SNTG2: variants seen among roughly 807,000 people sequenced by gnomAD.
SNTG2 encodes the protein gamma-2-syntrophin.
A neutral mutation model predicts 70.9 loss-of-function variants in SNTG2; 74 were observed. That is an observed-to-expected ratio of 1.04 (90% CI 0.86 to 1.27). SNTG2 has a LOEUF of 1.27. Ranked by LOEUF, SNTG2 falls within the 50% of genes most tolerant of loss-of-function variation. The pLI, the probability that SNTG2 is intolerant of heterozygous loss-of-function variation, is 0.00. For missense variants in SNTG2, 717 were observed against 690.7 expected, an observed-to-expected ratio of 1.04 and a Z score of -0.43; for synonymous variants, 278 against 273.8, an observed-to-expected ratio of 1.02 and a Z score of -0.15.
At chr2:1,140,059 T>A (rs1409994738) in intron 6 of SNTG2, among the ~76,000 whole-genome samples, 2 of 152,172 alleles carry the variant, frequency 1.3e-5, no homozygotes, top group Non-Finnish European at 2.9e-5. Flanking sequence ...CTAAAAGACG[T>A]ATAAATCATA....
intron 16 of SNTG2, among the ~76,000 whole-genome samples, chr2:1,361,345 T>TA (rs201621896): frequency 0.012 from 1,806 of 149,628 alleles, 11 homozygotes; most frequent in Non-Finnish European, 0.014. Context: ...TTGACCCATT[T>TA]AAAAAAAAAA....
rs975845022 is a variant in SNTG2 at position 1,104,179 on chromosome 2, G to A, written c.325+5769G>A. 5.9e-5 allele frequency among the ~76,000 whole-genome samples: 9 copies of A among 152,270 alleles called. No homozygotes were observed. The South Asian group carries it at 6.2e-4, about 11-fold the overall frequency. On this transcript the variant is annotated intron_variant, in intron 4 of 16. Transcript: ENST00000308624. ...AAGACCCTTCTCTGGGTCATCGTCCGGTGCTGCCCCTCTTTCAAACGTTTG... is the reference window on the plus strand; with the variant it reads ...AAGACCCTTCTCTGGGTCATCGTCCAGTGCTGCCCCTCTTTCAAACGTTTG...
At chr2:1,093,448 T>A (rs950468105) in intron 2 of SNTG2, among the ~76,000 whole-genome samples, 1 of 152,212 alleles carries the variant, frequency 6.6e-6, no homozygotes, top group African/African-American at 2.4e-5. Context: ...AAAGTTCCAG[T>A]TAGAAGCTGC....
At chr2:1,066,283 T>C (rs2148125046) in intron 1 of SNTG2, among the ~76,000 whole-genome samples, 1 of 152,280 alleles carries the variant, frequency 6.6e-6, no homozygotes, top group African/African-American at 2.4e-5. Flanking sequence ...TGGTGAGAGA[T>C]CAGGTGAATA....
At chr2:1,359,573 T>C in intron 16 of SNTG2, among the ~76,000 whole-genome samples, 1 of 152,184 alleles carries the variant, frequency 6.6e-6, no homozygotes, top group East Asian at 1.9e-4. Context: ...CTAAAGTGAG[T>C]CTCTTGTACA....
At chr2:1,310,769 G>A (rs1162785716) in intron 15 of SNTG2, among the ~76,000 whole-genome samples, 22 of 152,178 alleles carry the variant, frequency 1.4e-4, no homozygotes, top group Admixed American at 1.4e-3. Flanking sequence ...GCCTCATGGG[G>A]CACTTCCTAT....
At chr2:1,307,210 C>G (rs1023290059) in intron 14 of SNTG2, among the ~76,000 whole-genome samples, 1 of 113,506 alleles carries the variant, frequency 8.8e-6, no homozygotes, top group South Asian at 2.8e-4. Flanking sequence ...GTCTGTATGT[C>G]TGTGTCTGTA....
intron 1 of SNTG2, among the ~76,000 whole-genome samples, chr2:1,077,022 T>C (rs1194053975): frequency 6.6e-6 from 1 of 152,202 alleles, no homozygotes; most frequent in Non-Finnish European, 1.5e-5. Flanking sequence ...TTTTCACACA[T>C]GCTTGTTATT....
intron 1 of SNTG2, among the ~76,000 whole-genome samples, chr2:1,067,161 G>A (rs1489462427): frequency 6.7e-6 from 1 of 150,114 alleles, no homozygotes; most frequent in Non-Finnish European, 1.5e-5. Context: ...TGAGAAATGC[G>A]CACTAAAATG....
At chr2:1,234,521 G>T (rs772711267) in intron 9 of SNTG2, among the ~76,000 whole-genome samples, 1 of 152,150 alleles carries the variant, frequency 6.6e-6, no homozygotes, top group Non-Finnish European at 1.5e-5. Flanking sequence ...TTTGTGGTAC[G>T]GTTGGCATTT....
chr2:1,302,916 G>C (rs962600489), intron 14 of SNTG2, among the ~76,000 whole-genome samples: 2 of 152,096 alleles, frequency 1.3e-5, no homozygotes, highest in African/African-American at 4.8e-5. Context: ...AGGATGATGA[G>C]AGGCTCAGTC....
intron 1 of SNTG2, among the ~76,000 whole-genome samples, chr2:1,046,095 C>G (rs1484067481): frequency 6.6e-6 from 1 of 152,112 alleles, no homozygotes; most frequent in Non-Finnish European, 1.5e-5. Flanking sequence ...AGTCATCTTA[C>G]TGAATTGAAC....
intron 16 of SNTG2, among the ~76,000 whole-genome samples, chr2:1,363,115 C>A (rs1451750766): frequency 7.5e-6 from 1 of 134,142 alleles, no homozygotes; most frequent in Admixed American, 8.3e-5. Context: ...TCCTGTGAAA[C>A]CCTCACAAAA....
intron 1 of SNTG2, among the ~76,000 whole-genome samples, chr2:1,029,174 C>G (rs1327364132): frequency 1.3e-5 from 2 of 152,140 alleles, no homozygotes; most frequent in African/African-American, 4.8e-5. Context: ...TTCATATTTA[C>G]TTTTATGTTT....
intron 1 of SNTG2, among the ~76,000 whole-genome samples, chr2:961,445 G>A (rs1365945707): frequency 1.3e-5 from 2 of 152,124 alleles, no homozygotes; most frequent in Non-Finnish European, 2.9e-5. Context: ...TTTCTATAAC[G>A]TAGCATCTGC....
At chr2:1,106,540 A>T (rs1195990958) in intron 4 of SNTG2, among the ~76,000 whole-genome samples, 3 of 132,200 alleles carry the variant, frequency 2.3e-5, no homozygotes, top group African/African-American at 3.0e-5. Flanking sequence ...GTAAGAGTGG[A>T]CACGTGCTGT....
At chr2:1,089,997 C>T (rs1421495498) in intron 2 of SNTG2, among the ~76,000 whole-genome samples, 2 of 152,188 alleles carry the variant, frequency 1.3e-5, no homozygotes, top group Admixed American at 6.5e-5. Context: ...ATGCTCCTAC[C>T]GACTGTTCCA....
rs1195629373 is a variant in SNTG2 at position 1,027,676 on chromosome 2, G to A, written c.73-55842G>A. On this transcript the variant is annotated intron_variant, in intron 1 of 16. Transcript: ENST00000308624. ...TAAGCAGGTGCATCACTGAAGGTGCGTCTGACCTACAGACACTACCCAGCA... is the reference window on the plus strand; with the variant it reads ...TAAGCAGGTGCATCACTGAAGGTGCATCTGACCTACAGACACTACCCAGCA... 3.6e-5 allele frequency among the ~76,000 whole-genome samples: 5 copies of A among 139,726 alleles called. 1 individual carries two copies. In the East Asian group the frequency reaches 8.4e-4, roughly 23 times the overall value. 91.7% of individuals were successfully genotyped at this position (139,726 alleles called of 152,430 possible).
At chr2:1,027,114 C>T (rs1427956515) in intron 1 of SNTG2, among the ~76,000 whole-genome samples, 2 of 152,164 alleles carry the variant, frequency 1.3e-5, no homozygotes, top group African/African-American at 2.4e-5. Context: ...TTCTTGCACA[C>T]CCTAAAAACA....
Sources: gnomAD v4.1 joint callset for allele counts (sites outside exome capture counted in the v4.1 genomes callset) on GRCh38, gnomAD v4.1.1 for gene constraint, MANE v1.5 for transcripts, NCBI Gene and HGNC (gene_info 2026-07-23, HGNC 2026-07-21) for gene names.